The following SLC25A21 variants were observed in gnomAD, a reference collection of about 807,000 sequenced individuals.
The protein encoded by SLC25A21 is solute carrier family 25 member 21.
A neutral mutation model predicts 43.8 loss-of-function variants in SLC25A21; 47 were observed. The ratio of observed to expected loss-of-function variants is 1.07; its 90% CI spans 0.85 to 1.37. The LOEUF is 1.37. Among genes scored for constraint, SLC25A21 ranks in the 40% most tolerant of loss-of-function variants. The pLI is 0.00. For missense variants in SLC25A21, 352 were observed against 350.2 expected, an observed-to-expected ratio of 1.00 and a Z score of -0.04; for synonymous variants, 131 against 121.3, an observed-to-expected ratio of 1.08 and a Z score of -0.52.
At chr14:36,920,060 A>G (rs1308549593) in intron 1 of SLC25A21, among the ~76,000 whole-genome samples, 1 of 152,108 alleles carries the variant, frequency 6.6e-6, no homozygotes, top group African/African-American at 2.4e-5. Flanking sequence ...AATGTAGCTG[A>G]AGAAGCAAGT....
intron 2 of SLC25A21, among the ~76,000 whole-genome samples, chr14:36,867,145 G>C (rs758829259): frequency 2.0e-5 from 3 of 152,074 alleles, no homozygotes; most frequent in Non-Finnish European, 4.4e-5. Context: ...TCGAGGTACA[G>C]CTAATGGGAA....
intron 1 of SLC25A21, among the ~76,000 whole-genome samples, chr14:37,139,080 C>T (rs1963529719): frequency 6.6e-6 from 1 of 152,056 alleles, no homozygotes; most frequent in East Asian, 1.9e-4. Context: ...TCGCATTAAT[C>T]CATCACAAAT....
chr14:36,995,434 TC>T (rs1402891299), intron 1 of SLC25A21, among the ~76,000 whole-genome samples: 2 of 152,200 alleles, frequency 1.3e-5, no homozygotes, highest in African/African-American at 4.8e-5. Context: ...AAAAGTAACT[TC>T]TTTTATTCTA....
intron 3 of SLC25A21, among the ~76,000 whole-genome samples, chr14:36,744,308 CAAA>C (rs1289668130): frequency 6.6e-6 from 1 of 152,032 alleles, no homozygotes; most frequent in Non-Finnish European, 1.5e-5. Flanking sequence ...CTATAATAAC[CAAA>C]ACAGCATGGC....
intron 1 of SLC25A21, among the ~76,000 whole-genome samples, chr14:37,006,163 A>G (rs754069470): frequency 9.9e-5 from 15 of 152,190 alleles, no homozygotes; most frequent in Non-Finnish European, 1.3e-4. Context: ...CAACAATTCC[A>G]AAGATATTTA....
intron 3 of SLC25A21, among the ~76,000 whole-genome samples, chr14:36,801,117 G>A (rs1887855404): frequency 6.6e-6 from 1 of 152,064 alleles, no homozygotes; most frequent in Non-Finnish European, 1.5e-5. Context: ...GAAGACCTGG[G>A]GTGCTTACAG....
At position 37,054,812 on chromosome 14, in the gene SLC25A21, C is replaced by T. The variant is rs1961785874; in HGVS notation, c.70+117469G>A. On this transcript the variant is annotated intron_variant, in intron 1 of 9. Transcript: ENST00000331299. ...AATAAAACAATTTCTGATCCCCAAT[C>T]TCTCGCAGCAAAATAATCTCAAAAT... Among the ~76,000 whole-genome samples the T allele has an allele frequency of 3.9e-5, 6 of 152,224 alleles. No homozygotes were observed. The South Asian group carries it at 1.2e-3, about 31-fold the overall frequency.
chr14:37,059,497 C>T (rs989630887), intron 1 of SLC25A21, among the ~76,000 whole-genome samples: 10 of 152,186 alleles, frequency 6.6e-5, no homozygotes, highest in Non-Finnish European at 1.0e-4. Flanking sequence ...CAAGGAATTT[C>T]TTCCTAACCT....
intron 1 of SLC25A21, among the ~76,000 whole-genome samples, chr14:37,077,517 A>G (rs769930717): frequency 6.6e-6 from 1 of 152,180 alleles, no homozygotes; most frequent in Non-Finnish European, 1.5e-5. Context: ...AGAACACGTG[A>G]CATAGAACAT....
chr14:36,960,268 CAT>C (rs1453622682), intron 1 of SLC25A21, among the ~76,000 whole-genome samples: 3 of 152,136 alleles, frequency 2.0e-5, no homozygotes, highest in Admixed American at 6.5e-5. Context: ...CTAAAACACA[CAT>C]AGACATGTGT....
At chr14:36,847,584 G>A (rs909142023) in intron 2 of SLC25A21, among the ~76,000 whole-genome samples, 2 of 152,140 alleles carry the variant, frequency 1.3e-5, no homozygotes, top group African/African-American at 2.4e-5. Context: ...TCTGAGGAGC[G>A]TTGAAAGATG....
chr14:36,878,133 T>C (rs1000932904), intron 1 of SLC25A21, among the ~76,000 whole-genome samples: 2 of 152,112 alleles, frequency 1.3e-5, no homozygotes, highest in African/African-American at 4.8e-5. Context: ...GTAAACAGTT[T>C]ACCAGTAAAA....
intron 1 of SLC25A21, among the ~76,000 whole-genome samples, chr14:37,037,193 A>C (rs957718736): frequency 1.3e-5 from 2 of 152,182 alleles, no homozygotes; most frequent in African/African-American, 2.4e-5. Context: ...CAATTTACTA[A>C]GAGATGAGTC....
chr14:37,129,769 T>C (rs961446729), intron 1 of SLC25A21, among the ~76,000 whole-genome samples: 4 of 151,852 alleles, frequency 2.6e-5, no homozygotes, highest in African/African-American at 7.3e-5. Flanking sequence ...TTTTTAACTA[T>C]ATTATAGGGC....
chr14:37,028,522 TA>T (rs1961140578), intron 1 of SLC25A21, among the ~76,000 whole-genome samples: 1 of 152,118 alleles, frequency 6.6e-6, no homozygotes, highest in African/African-American at 2.4e-5. Flanking sequence ...TTTTAAATAA[TA>T]AAAACCTAAA....
chr14:36,954,601 C>G (rs1307587797), intron 1 of SLC25A21, among the ~76,000 whole-genome samples: 1 of 151,966 alleles, frequency 6.6e-6, no homozygotes, highest in East Asian at 1.9e-4. Context: ...TAGTCCAGAT[C>G]TATTGTTCAG....
At chr14:36,811,207 A>G (rs1231950664) in intron 3 of SLC25A21, among the ~76,000 whole-genome samples, 1 of 152,214 alleles carries the variant, frequency 6.6e-6, no homozygotes, top group East Asian at 1.9e-4. Context: ...ATATTTTTAT[A>G]TATTTCCCAA....
At chr14:36,969,319 C>T (rs147396767) in intron 1 of SLC25A21, among the ~76,000 whole-genome samples, 14 of 152,166 alleles carry the variant, frequency 9.2e-5, no homozygotes, top group African/African-American at 3.1e-4. Flanking sequence ...ATCCTGTCTT[C>T]GAGCCTGGTC....
intron 1 of SLC25A21, among the ~76,000 whole-genome samples, chr14:37,088,307 T>TA (rs2138847153): frequency 6.6e-6 from 1 of 152,306 alleles, no homozygotes; most frequent in African/African-American, 2.4e-5. Context: ...GGATTCACTT[T>TA]TAAAGAAAGT....
Sources: gnomAD v4.1 joint callset for allele counts (sites outside exome capture counted in the v4.1 genomes callset) on GRCh38, gnomAD v4.1.1 for gene constraint, MANE v1.5 for transcripts, NCBI Gene and HGNC (gene_info 2026-07-23, HGNC 2026-07-21) for gene names.